RAB3GAP2: variants seen among roughly 807,000 people sequenced by gnomAD.
RAB3GAP2 encodes the protein RAB3 GTPase activating non-catalytic protein subunit 2, also known as rab3 GTPase-activating protein non-catalytic subunit.
In RAB3GAP2, 87 loss-of-function variants were observed where a neutral mutation model predicts 185.3. That is an observed-to-expected ratio of 0.47 (90% confidence interval 0.39 to 0.56). The LOEUF is 0.56. Among genes scored for constraint, RAB3GAP2 ranks in the 20% least tolerant of loss-of-function variants. The pLI is 0.00. For synonymous variants in RAB3GAP2, 554 were observed against 576.1 expected, an observed-to-expected ratio of 0.96 and a Z score of 0.55; for missense variants, 1,492 against 1,638.2, an observed-to-expected ratio of 0.91 and a Z score of 1.54.
intron 18 of RAB3GAP2, among the ~76,000 whole-genome samples, chr1:220,184,745 T>G (rs1658478195): frequency 6.6e-6 from 1 of 152,112 alleles, no homozygotes; most frequent in African/African-American, 2.4e-5. Context: ...GGAAGATAAC[T>G]TTTCATTTAA....
Position 220,182,403 on chromosome 1 carries a change from G to C in RAB3GAP2, c.2213-49C>G, listed in dbSNP as rs201484967. The C allele has an allele frequency of 4.3e-5, 69 of 1,609,284 alleles. No homozygotes were observed. In the African/African-American group the frequency reaches 8.7e-4, roughly 20 times the overall value. On this transcript the variant is annotated intron_variant, in intron 20 of 34. Coordinates refer to ENST00000358951, the MANE Select transcript of RAB3GAP2 (RefSeq NM_012414.4). ...ATTAATCAATGACTACTTACCATTT[G>C]GACTAACAATCTTATTGAATCACAA... is the stretch of plus-strand genomic sequence containing the variant.
rs368870719 is a variant in RAB3GAP2, at chr1:220,153,427, T to C, written c.3646-21A>G. The C allele has an allele frequency of 5.7e-6, 9 of 1,589,224 alleles. No individual in the cohort carries two copies. The African/African-American group carries it at 9.4e-5, about 17-fold the overall frequency. On this transcript the variant is annotated intron_variant, in intron 32 of 34. Coordinates refer to ENST00000358951, the MANE Select transcript of RAB3GAP2 (RefSeq NM_012414.4). ...AAGAACTTGAAAATGGAGAAAGAGA[T>C]AGAGCAATGCATTGTTACTGTTTCA... is the stretch of plus-strand genomic sequence containing the variant.
chr1:220,270,911 A>G (rs1660321752), intron 1 of RAB3GAP2, among the ~76,000 whole-genome samples: 1 of 151,840 alleles, frequency 6.6e-6, no homozygotes, highest in Non-Finnish European at 1.5e-5. Flanking sequence ...CATTGCCCCA[A>G]CTCTTCCTCT....
chr1:220,268,244 C>G (rs1660262765), intron 1 of RAB3GAP2, among the ~76,000 whole-genome samples: 1 of 152,186 alleles, frequency 6.6e-6, no homozygotes, highest in Admixed American at 6.5e-5. Flanking sequence ...TTTCACTGTA[C>G]AAAAGTTTAC....
intron 7 of RAB3GAP2, among the ~76,000 whole-genome samples, chr1:220,208,487 A>T (rs547385645): frequency 1.3e-5 from 2 of 152,200 alleles, no homozygotes; most frequent in Admixed American, 1.3e-4. Flanking sequence ...CCTATACAAC[A>T]GTTTTGTATC....
chr1:220,171,756 T>C, intron 23 of RAB3GAP2, 133 bp downstream of exon 23: 1 of 946,494 alleles, frequency 1.1e-6, no homozygotes, highest in Non-Finnish European at 1.7e-6. Context: ...TCATTCTCAA[T>C]AAAGAAATTA....
At chr1:220,185,870 G>T in intron 17 of RAB3GAP2, 129 bp from the exon 18 acceptor site, 1 of 686,864 alleles carries the variant, frequency 1.5e-6, no homozygotes, top group Non-Finnish European at 2.5e-6. Flanking sequence ...AGATGTTTTA[G>T]TGTACATATA....
chr1:220,247,071 T>G (rs1659832177), intron 1 of RAB3GAP2, among the ~76,000 whole-genome samples: 1 of 152,116 alleles, frequency 6.6e-6, no homozygotes, highest in African/African-American at 2.4e-5. Flanking sequence ...ACCTCACTAC[T>G]GCAAGAATGA....
chr1:220,173,700 A>T (rs1300982194), intron 21 of RAB3GAP2, among the ~76,000 whole-genome samples: 3 of 152,194 alleles, frequency 2.0e-5, no homozygotes, highest in Non-Finnish European at 2.9e-5. Context: ...AAATAAGCTC[A>T]TACGGGAAAG....
intron 1 of RAB3GAP2, among the ~76,000 whole-genome samples, chr1:220,235,224 T>C (rs1228023299): frequency 6.6e-6 from 1 of 152,214 alleles, no homozygotes; most frequent in East Asian, 1.9e-4. Context: ...TATTGCAATT[T>C]AGAGATATTT....
intron 24 of RAB3GAP2, among the ~76,000 whole-genome samples, chr1:220,169,880 T>C (rs1344860012): frequency 6.6e-6 from 1 of 152,224 alleles, no homozygotes; most frequent in South Asian, 2.1e-4. Context: ...TAATATTTTA[T>C]GAAAATAATT....
chr1:220,214,180 T>A (rs907053993), intron 2 of RAB3GAP2, among the ~76,000 whole-genome samples: 1 of 152,164 alleles, frequency 6.6e-6, no homozygotes, highest in Non-Finnish European at 1.5e-5. Context: ...AATCTTCAGT[T>A]TTGAATATTA....
At chr1:220,254,435 A>G (rs1158991242) in intron 1 of RAB3GAP2, 39 of 1,612,984 alleles carry the variant, frequency 2.4e-5, no homozygotes, top group Admixed American at 3.3e-5. Context: ...TTATTACTCA[A>G]TTATCTTCAC....
intron 1 of RAB3GAP2, chr1:220,268,050 G>T: frequency 2.4e-6 from 1 of 421,426 alleles, no homozygotes; most frequent in Non-Finnish European, 4.2e-6. Flanking sequence ...CTAGAGATGA[G>T]CTAGGTTAAG....
At chr1:220,216,307 G>T (rs1454015627) in intron 2 of RAB3GAP2, among the ~76,000 whole-genome samples, 1 of 152,144 alleles carries the variant, frequency 6.6e-6, no homozygotes, top group Non-Finnish European at 1.5e-5. Context: ...TATCTAGCTT[G>T]TTGTTTTTAA....
In RAB3GAP2 at chr1:220,233,979, G is replaced by C. The variant is rs540990641; in HGVS notation, c.116-1116C>G. Among the ~76,000 whole-genome samples the C allele has an allele frequency of 2.6e-5, 4 of 152,354 alleles. No individual in the cohort carries two copies. The South Asian group carries it at 8.3e-4, about 32-fold the overall frequency. ...GCCTCCCAAAGTGTTGGGATTACAGGCGTGGATCACCACGCCCGGCCTTGA... is the reference window on the plus strand; with the variant it reads ...GCCTCCCAAAGTGTTGGGATTACAGCCGTGGATCACCACGCCCGGCCTTGA... On this transcript the variant is annotated intron_variant, in intron 1 of 34. Coordinates refer to ENST00000358951, the MANE Select transcript of RAB3GAP2 (RefSeq NM_012414.4).
intron 1 of RAB3GAP2, among the ~76,000 whole-genome samples, chr1:220,258,084 A>T (rs771222358): frequency 1.3e-5 from 2 of 152,166 alleles, no homozygotes; most frequent in Non-Finnish European, 2.9e-5. Flanking sequence ...TGAATTCTGA[A>T]ATTGTAATAA....
chr1:220,170,920 A>G lies in RAB3GAP2; in HGVS notation c.2778T>C (p.Ser926=), dbSNP rs1057523891. The part of the protein sequence containing the change: ...SLQAEPLPRL[S]VKKLLEGGKG... ...TTCCTCCTTCTAATAACTTTTTAAC[A>G]GAAAGCCTTGGAAGTGGCTCAGCCT... The change falls in exon 24 of 35, where the codon TCT becomes TCC. Residue 926 remains serine, a synonymous_variant. Coordinates refer to ENST00000358951, the MANE Select transcript of RAB3GAP2 (RefSeq NM_012414.4). 19 of 1,614,030 alleles carry G rather than the reference A, an allele frequency of 1.2e-5. No individual in the cohort carries two copies. Among genetic ancestry groups the G allele is most frequent in the Non-Finnish European group, 1.5e-5 (18 of 1,179,950 alleles).
chr1:220,162,129 C>G, intron 28 of RAB3GAP2, 69 bp downstream of exon 28: 1 of 1,213,184 alleles, frequency 8.2e-7, no homozygotes, highest in Non-Finnish European at 1.2e-6. Flanking sequence ...CTAATGTGAA[C>G]AATCTTTCTA....
Sources: gnomAD v4.1 joint callset for allele counts (sites outside exome capture counted in the v4.1 genomes callset) on GRCh38, gnomAD v4.1.1 for gene constraint, MANE v1.5 for transcripts, NCBI Gene and HGNC (gene_info 2026-07-23, HGNC 2026-07-21) for gene names.